SCN8A: variants seen among roughly 807,000 people sequenced by gnomAD.
The protein encoded by SCN8A is sodium channel protein type 8 subunit alpha.
In SCN8A, 30 loss-of-function variants were observed where a neutral mutation model predicts 184.1. The observed-to-expected ratio is 0.16, with a 90% CI of 0.12 to 0.22. SCN8A has a LOEUF of 0.22. Among genes scored for constraint, SCN8A ranks in the 10% least tolerant of loss-of-function variants. The pLI, the probability that SCN8A is intolerant of heterozygous loss-of-function variation, is 1.00. For missense variants in SCN8A, 1,057 were observed against 2,498.9 expected (o/e 0.42, Z 12.30); for synonymous variants, 852 against 907.0 (o/e 0.94, Z 1.09).
rs1458013038 is a variant in SCN8A at position 51,770,496 on chromosome 12, C to A, written c.3491-33C>A. ...GGCAGGTCTGGGCGGGGCACGTTTC[C>A]ACGGTCTGACCCGCCTCTCCCGCTG... On this transcript the variant is annotated intron_variant, in intron 18 of 26. Coordinates refer to ENST00000627620, the MANE Select transcript of SCN8A (RefSeq NM_001330260.2). 4 of 1,537,552 alleles carry A rather than the reference C, an allele frequency of 2.6e-6. No individual in the cohort carries two copies. The South Asian group carries it at 5.0e-5, about 19-fold the overall frequency.
chr12:51,765,297 G>T (rs2138861874), intron 15 of SCN8A, among the ~76,000 whole-genome samples: 1 of 151,952 alleles, frequency 6.6e-6, no homozygotes, highest in East Asian at 1.9e-4. Flanking sequence ...CTAGTCTTTT[G>T]GTTTCCTACA....
At chr12:51,635,147 C>T (rs147177400) in intron 1 of SCN8A, among the ~76,000 whole-genome samples, 1,547 of 152,194 alleles carry the variant, frequency 0.01, 12 homozygotes, top group Non-Finnish European at 0.015. Flanking sequence ...TGTTATTTTC[C>T]GTTTATCTTA....
chr12:51,682,766 C>G (rs1941356686), intron 2 of SCN8A, among the ~76,000 whole-genome samples: 1 of 152,214 alleles, frequency 6.6e-6, no homozygotes, highest in Non-Finnish European at 1.5e-5. Flanking sequence ...GTATCTGCCA[C>G]TGGCCTGTCT....
rs1938952646 is a variant in SCN8A, at chr12:51,812,738, T to TAA, written c.*5309_*5310insAA. 6.6e-6 allele frequency: 1 copy of TAA among 152,244 alleles called. No homozygotes were observed. Among genetic ancestry groups the TAA allele is most frequent in the Non-Finnish European group, 1.5e-5 (1 of 68,044 alleles). 9.4% of individuals were successfully genotyped at this position (152,244 alleles called of 1,614,324 possible). ...TTTATGCGGAAATGGCAGAAATGCT[T>TAA]GAGAAATGAGAATGTGTAAGTGGAT... On this transcript the variant is annotated 3_prime_UTR_variant, in exon 27 of 27. Transcript: ENST00000627620.
intron 1 of SCN8A, among the ~76,000 whole-genome samples, chr12:51,642,989 A>G (rs1200072821): frequency 6.6e-6 from 1 of 152,050 alleles, no homozygotes; most frequent in Non-Finnish European, 1.5e-5. Flanking sequence ...TCTTAGCCAC[A>G]CTGAAGGCTG....
At chr12:51,787,356 C>A (rs1392478722) in intron 22 of SCN8A, among the ~76,000 whole-genome samples, 2 of 152,170 alleles carry the variant, frequency 1.3e-5, no homozygotes, top group East Asian at 1.9e-4. Context: ...AGATAATTTT[C>A]TTTTGCCTAA....
At position 51,807,640 on chromosome 12, in the gene SCN8A, T is replaced by A; in HGVS notation, c.*211T>A. The A allele has an allele frequency of 3.3e-6, 2 of 601,708 alleles. No homozygotes were observed. The highest frequency in any genetic ancestry group is 4.1e-5 in the South Asian group (2 of 48,734). The allele number at this position is 601,708 out of a possible 1,614,324, so 37.3% of individuals were successfully genotyped here. ...ACCCCGCTCCCTAGACTTACAGATT[T>A]TCTAATGCTTGGGCAGGTGGTTACT... On this transcript the variant is annotated 3_prime_UTR_variant, in exon 27 of 27. Transcript: ENST00000627620. This position sits in a 1 kb window ranked among gnomAD's most constrained non-coding sequence, Gnocchi z 4.5.
Position 51,765,654 on chromosome 12 carries a change from G to GTTTTTT in SCN8A, c.2545-12_2545-7dup. The GTTTTTT allele has an allele frequency of 3.4e-6, 4 of 1,172,592 alleles. No homozygotes were observed. The highest frequency in any genetic ancestry group is 2.8e-5 in the Admixed American group (1 of 35,204). The allele number at this position is 1,172,592 out of a possible 1,614,324, so 72.6% of individuals were successfully genotyped here. A position where few individuals can be genotyped will look rare whatever the true frequency, so the allele number is the denominator to read the frequency against. ...GAGTATCATTTATTTTTTTGTTTGG[G>GTTTTTT]TTTTTTTTTTCCTTAGCTCCGAGTC... On this transcript the variant is annotated splice_polypyrimidine_tract_variant and intron_variant, in intron 15 of 26. Coordinates refer to ENST00000627620, the MANE Select transcript of SCN8A (RefSeq NM_001330260.2).
At chr12:51,758,587 G>A (rs909480763) in intron 14 of SCN8A, among the ~76,000 whole-genome samples, 4 of 152,014 alleles carry the variant, frequency 2.6e-5, no homozygotes, top group African/African-American at 9.7e-5. Flanking sequence ...ATAGGTGCCC[G>A]CCACCATGCC....
At chr12:51,742,881 G>A (rs1452351535) in intron 12 of SCN8A, among the ~76,000 whole-genome samples, 5 of 151,884 alleles carry the variant, frequency 3.3e-5, no homozygotes, top group South Asian at 4.2e-4. Context: ...GGTGTGCTTC[G>A]TTTTGTTGTT....
intron 5 of SCN8A, among the ~76,000 whole-genome samples, chr12:51,688,459 T>C (rs2138715491): frequency 6.6e-6 from 1 of 152,356 alleles, no homozygotes; most frequent in African/African-American, 2.4e-5. Context: ...TGATACCTCC[T>C]GGCCTTCCTT....
rs1939473805 is a variant in SCN8A at position 51,601,867 on chromosome 12, T to G, written c.-55+10508T>G. Among the ~76,000 whole-genome samples, 4 of 150,428 alleles carry G rather than the reference T, an allele frequency of 2.7e-5. No homozygotes were observed. The South Asian group carries it at 6.3e-4, about 24-fold the overall frequency. ...GCTCAGAGAAAGGGTTTTTTTTTTT[T>G]TTTTTTTTTTTTTAAGAGCAATGCA... On this transcript the variant is annotated intron_variant, in intron 1 of 26. Transcript: ENST00000627620.
At chr12:51,791,538 T>C (rs1938251364) in intron 25 of SCN8A, among the ~76,000 whole-genome samples, 1 of 152,222 alleles carries the variant, frequency 6.6e-6, no homozygotes, top group South Asian at 2.1e-4. Context: ...GGGTTTTTTA[T>C]TTCCTTGATG....
intron 17 of SCN8A, 64 bp downstream of exon 17, chr12:51,769,399 TG>T (rs879242524): frequency 8.1e-7 from 1 of 1,227,270 alleles, no homozygotes. Flanking sequence ...CTGTCAGCCT[TG>T]GGGATTGGTT....
At chr12:51,681,917 C>T (rs931128528) in intron 2 of SCN8A, among the ~76,000 whole-genome samples, 6 of 150,866 alleles carry the variant, frequency 4.0e-5, no homozygotes, top group African/African-American at 1.5e-4. Context: ...TTCCTGCCCT[C>T]AAAGAACCAA....
chr12:51,690,712 G>A (rs949811221), intron 6 of SCN8A, among the ~76,000 whole-genome samples: 4 of 152,150 alleles, frequency 2.6e-5, no homozygotes, highest in African/African-American at 9.7e-5. Context: ...AGCAGATAGA[G>A]AGGGAAGCAC....
intron 1 of SCN8A, among the ~76,000 whole-genome samples, chr12:51,634,511 T>C (rs1940269446): frequency 1.3e-5 from 2 of 152,164 alleles, no homozygotes; most frequent in African/African-American, 4.8e-5. Context: ...AACTTTTGAA[T>C]GTTATTGGCA....
chr12:51,673,503 A>G (rs1941168774), intron 2 of SCN8A, among the ~76,000 whole-genome samples: 1 of 152,214 alleles, frequency 6.6e-6, no homozygotes, highest in African/African-American at 2.4e-5. Context: ...AAAATTAGTG[A>G]ATTTTTATGG....
chr12:51,670,129 G>A (rs1303402571), intron 2 of SCN8A, among the ~76,000 whole-genome samples: 1 of 152,150 alleles, frequency 6.6e-6, no homozygotes, highest in Non-Finnish European at 1.5e-5. Flanking sequence ...ACTGGGAGGT[G>A]GGCCCTTCTC....
Sources: allele counts gnomAD v4.1 joint callset (sites outside exome capture counted in the v4.1 genomes callset), GRCh38; gene constraint gnomAD v4.1.1; non-coding constraint Gnocchi (gnomAD v3.1); transcripts MANE v1.5; gene names NCBI Gene and HGNC (gene_info 2026-07-23, HGNC 2026-07-21).